Variants in SLC24A2 observed in about 807,000 individuals in gnomAD.
The protein encoded by SLC24A2 is solute carrier family 24 member 2.
Under a neutral mutation model 62.0 loss-of-function variants are expected in SLC24A2, and 36 were observed. The observed-to-expected ratio is 0.58, with a 90% confidence interval of 0.44 to 0.77. The LOEUF is 0.77. SLC24A2 is among the 30% of genes least tolerant of loss of function. The pLI is 0.00. For missense variants in SLC24A2, 846 were observed against 817.9 expected, an observed-to-expected ratio of 1.03 and a Z score of -0.42; for synonymous variants, 358 against 294.0, an observed-to-expected ratio of 1.22 and a Z score of -2.23.
the SLC24A2 span, among the ~76,000 whole-genome samples, chr9:20,216,798 A>G: frequency 6.6e-6 from 1 of 152,178 alleles, no homozygotes; most frequent in Non-Finnish European, 1.5e-5. Context: ...TTCTGGGAAA[A>G]GTATACAAAT....
chr9:19,660,158 A>G (rs141707539), intron 2 of SLC24A2, among the ~76,000 whole-genome samples: 1 of 152,290 alleles, frequency 6.6e-6, no homozygotes, highest in Non-Finnish European at 1.5e-5. Flanking sequence ...CTGTGTCTCT[A>G]CATATCCCAG....
the SLC24A2 span, among the ~76,000 whole-genome samples, chr9:20,240,707 T>G: frequency 6.6e-6 from 1 of 151,590 alleles, no homozygotes; most frequent in South Asian, 2.1e-4. Flanking sequence ...TTCAGGGGGG[T>G]TTTGAGGCCC....
At chr9:20,013,387 C>G in the SLC24A2 span, among the ~76,000 whole-genome samples, 3 of 152,044 alleles carry the variant, frequency 2.0e-5, no homozygotes, top group Non-Finnish European at 2.9e-5. Context: ...AGCCTTATAG[C>G]CTACACTATA....
chr9:19,954,558 G>A, the SLC24A2 span, among the ~76,000 whole-genome samples: 2 of 151,828 alleles, frequency 1.3e-5, no homozygotes, highest in Non-Finnish European at 2.9e-5. Context: ...GACTATGCAT[G>A]TATTAGCCAA....
chr9:19,878,229 G>A, the SLC24A2 span, among the ~76,000 whole-genome samples: 2 of 152,144 alleles, frequency 1.3e-5, no homozygotes, highest in African/African-American at 4.8e-5. Flanking sequence ...GCAATCCTGG[G>A]AAAACAGCTC....
the SLC24A2 span, among the ~76,000 whole-genome samples, chr9:20,142,243 CGATT>C: frequency 2.0e-5 from 3 of 152,000 alleles, no homozygotes; most frequent in African/African-American, 7.3e-5. Context: ...CAATAATTAC[CGATT>C]GATTAGTAAC....
intron 2 of SLC24A2, among the ~76,000 whole-genome samples, chr9:19,734,672 T>A (rs534402617): frequency 6.6e-6 from 1 of 152,332 alleles, no homozygotes; most frequent in Admixed American, 6.5e-5. Flanking sequence ...TCACTCATGA[T>A]TTGGCTGTTT....
chr9:20,072,899 A>T, the SLC24A2 span, among the ~76,000 whole-genome samples: 1 of 152,216 alleles, frequency 6.6e-6, no homozygotes, highest in South Asian at 2.1e-4. Context: ...TCAGACCTCC[A>T]GAACTGTAAG....
the SLC24A2 span, among the ~76,000 whole-genome samples, chr9:20,021,776 A>G: frequency 2.7e-5 from 4 of 150,380 alleles, no homozygotes; most frequent in East Asian, 5.8e-4. Context: ...CTTATTTTAC[A>G]TCTAGTATTT....
the SLC24A2 span, among the ~76,000 whole-genome samples, chr9:20,281,472 T>G: frequency 6.6e-6 from 1 of 152,154 alleles, no homozygotes; most frequent in African/African-American, 2.4e-5. Context: ...CATGTACTCT[T>G]TTCTCGGTCA....
At chr9:19,657,163 C>T (rs1818965095) in intron 2 of SLC24A2, among the ~76,000 whole-genome samples, 1 of 152,162 alleles carries the variant, frequency 6.6e-6, no homozygotes, top group Non-Finnish European at 1.5e-5. Context: ...CAGAACATGA[C>T]AGATGCCCGG....
chr9:20,243,736 T>C, the SLC24A2 span, among the ~76,000 whole-genome samples: 5 of 152,180 alleles, frequency 3.3e-5, no homozygotes, highest in Admixed American at 3.3e-4. Flanking sequence ...GCAAATGAGA[T>C]GTGGTCAATG....
the SLC24A2 span, among the ~76,000 whole-genome samples, chr9:20,240,306 G>C: frequency 6.6e-6 from 1 of 152,152 alleles, no homozygotes; most frequent in East Asian, 1.9e-4. Flanking sequence ...TTAATCCCAT[G>C]GGTTGTAACT....
At chr9:19,534,553 C>T (rs995095904) in intron 8 of SLC24A2, among the ~76,000 whole-genome samples, 9 of 151,802 alleles carry the variant, frequency 5.9e-5, no homozygotes, top group Non-Finnish European at 8.8e-5. Flanking sequence ...ATCCCCTCCC[C>T]GGGTCCATGT....
At chr9:20,145,929 T>C in the SLC24A2 span, among the ~76,000 whole-genome samples, 1 of 85,104 alleles carries the variant, frequency 1.2e-5, no homozygotes, top group South Asian at 3.7e-4. Flanking sequence ...ATTAACATTT[T>C]ATTTTGTATA....
intron 5 of SLC24A2, among the ~76,000 whole-genome samples, chr9:19,585,156 CT>C (rs144474408): frequency 2.6e-5 from 4 of 152,094 alleles, no homozygotes; most frequent in Admixed American, 2.0e-4. Context: ...TAAAAAAAGA[CT>C]TTTTTTCCTC....
At chr9:20,097,680 T>G in the SLC24A2 span, among the ~76,000 whole-genome samples, 1 of 147,938 alleles carries the variant, frequency 6.8e-6, no homozygotes, top group Admixed American at 7.0e-5. Flanking sequence ...CCAAGTAGAA[T>G]AATGTCCAGA....
chr9:20,048,236 T>C, the SLC24A2 span, among the ~76,000 whole-genome samples: 1 of 152,152 alleles, frequency 6.6e-6, no homozygotes, highest in Admixed American at 6.5e-5. Flanking sequence ...TAGCACATAG[T>C]AGGTATTTAG....
the SLC24A2 span, among the ~76,000 whole-genome samples, chr9:20,008,187 C>T: frequency 1.9e-4 from 29 of 151,970 alleles, no homozygotes; most frequent in South Asian, 2.1e-4. Flanking sequence ...TAAGCCACTG[C>T]GCCTGGCCCC....
Sources: gnomAD v4.1 joint callset for allele counts (sites outside exome capture counted in the v4.1 genomes callset) on GRCh38, gnomAD v4.1.1 for gene constraint, MANE v1.5 for transcripts, NCBI Gene and HGNC (gene_info 2026-07-23, HGNC 2026-07-21) for gene names.